The following CSMD1 variants were observed in gnomAD, a reference collection of about 807,000 sequenced individuals.
The protein encoded by CSMD1 is CUB and sushi domain-containing protein 1.
Under a neutral mutation model 417.5 loss-of-function variants are expected in CSMD1, and 213 were observed. The observed-to-expected ratio is 0.51, with a 90% CI of 0.46 to 0.57. CSMD1 has a LOEUF of 0.57. CSMD1 is among the 20% of genes least tolerant of loss of function. The pLI, the probability that CSMD1 is intolerant of heterozygous loss-of-function variation, is 0.00. For synonymous variants in CSMD1, 2,862 were observed against 1,736.8 expected (o/e 1.65, Z -16.11); for missense variants, 6,923 against 4,529.7 (o/e 1.53, Z -15.17).
At chr8:4,421,649 A>G (rs553896921) in intron 2 of CSMD1, among the ~76,000 whole-genome samples, 33 of 152,242 alleles carry the variant, frequency 2.2e-4, no homozygotes, top group East Asian at 5.8e-4. Context: ...GAAAATATAA[A>G]ATACAACATA....
At chr8:4,004,797 T>G (rs1407638560) in intron 4 of CSMD1, among the ~76,000 whole-genome samples, 1 of 152,116 alleles carries the variant, frequency 6.6e-6, no homozygotes. Flanking sequence ...CAGGCTGGAG[T>G]GCAGTGGCGC....
intron 3 of CSMD1, among the ~76,000 whole-genome samples, chr8:4,374,204 A>G (rs1014671746): frequency 6.6e-6 from 1 of 152,066 alleles, no homozygotes; most frequent in Non-Finnish European, 1.5e-5. Flanking sequence ...GTTAGCTTTG[A>G]GGAAGGATTA....
intron 5 of CSMD1, among the ~76,000 whole-genome samples, chr8:3,824,894 G>C (rs760535100): frequency 1.3e-5 from 2 of 152,154 alleles, no homozygotes; most frequent in African/African-American, 4.8e-5. Flanking sequence ...AATGAGAATT[G>C]TAAAGATTTC....
intron 12 of CSMD1, among the ~76,000 whole-genome samples, chr8:3,463,456 C>G (rs1349271879): frequency 2.6e-5 from 4 of 152,170 alleles, no homozygotes; most frequent in Admixed American, 2.0e-4. Flanking sequence ...AACATGTAAA[C>G]AAAAGGTTAT....
At chr8:3,610,441 G>C (rs1462851012) in intron 8 of CSMD1, among the ~76,000 whole-genome samples, 1 of 152,082 alleles carries the variant, frequency 6.6e-6, no homozygotes, top group Non-Finnish European at 1.5e-5. Context: ...AGATCGAAGT[G>C]GGACGATCAT....
chr8:4,237,102 C>T (rs1028312606), intron 3 of CSMD1, among the ~76,000 whole-genome samples: 6 of 152,188 alleles, frequency 3.9e-5, no homozygotes, highest in African/African-American at 1.4e-4. Flanking sequence ...ACTCACTATC[C>T]TCCATCAAGA....
At chr8:3,905,211 T>C (rs1808035973) in intron 5 of CSMD1, among the ~76,000 whole-genome samples, 2 of 152,218 alleles carry the variant, frequency 1.3e-5, no homozygotes, top group African/African-American at 4.8e-5. Context: ...ATAATATTTT[T>C]TCTGCATAAT....
chr8:3,714,953 T>C (rs1486960258), intron 6 of CSMD1, among the ~76,000 whole-genome samples: 1 of 152,206 alleles, frequency 6.6e-6, no homozygotes, highest in Non-Finnish European at 1.5e-5. Flanking sequence ...GACTCTCTTT[T>C]TCTAGGAGCA....
chr8:4,489,604 T>C (rs937201215), intron 2 of CSMD1, among the ~76,000 whole-genome samples: 1 of 152,052 alleles, frequency 6.6e-6, no homozygotes, highest in East Asian at 1.9e-4. Context: ...ACCTTCTCTT[T>C]AGTGTGGCAT....
At chr8:3,949,082 A>G (rs1246574936) in intron 5 of CSMD1, among the ~76,000 whole-genome samples, 1 of 152,334 alleles carries the variant, frequency 6.6e-6, no homozygotes, top group South Asian at 2.1e-4. Flanking sequence ...TAATTAATAA[A>G]TACAAATTAT....
At chr8:4,143,232 C>G (rs898632293) in intron 3 of CSMD1, among the ~76,000 whole-genome samples, 3 of 151,172 alleles carry the variant, frequency 2.0e-5, no homozygotes, top group Admixed American at 6.6e-5. Context: ...TCTAAACCCT[C>G]TTATAGGGTT....
chr8:4,473,163 T>G (rs963130056), intron 2 of CSMD1, among the ~76,000 whole-genome samples: 2 of 152,172 alleles, frequency 1.3e-5, no homozygotes, highest in South Asian at 4.1e-4. Context: ...ATTTTAAAAT[T>G]CCAATGATTT....
In CSMD1 at chr8:3,831,675, G is replaced by A. The variant is rs149479727; in HGVS notation, c.819-77633C>T. Among the ~76,000 whole-genome samples the A allele has an allele frequency of 3.6e-3, 551 of 151,952 alleles. 1 individual carries two copies. Among genetic ancestry groups the A allele is most frequent in the Admixed American group, 4.2e-3 (64 of 15,256 alleles). On this transcript the variant is annotated intron_variant, in intron 5 of 69. Coordinates refer to ENST00000635120, the MANE Select transcript of CSMD1 (RefSeq NM_033225.6). The stretch of plus-strand genomic sequence containing the variant: ...TCTATGACAAATTAAAATCTTTACC[G>A]GCAAAGGATATATGTTTGGAATGCC...
chr8:3,621,089 C>T (rs1387574982), intron 7 of CSMD1, among the ~76,000 whole-genome samples: 1 of 152,176 alleles, frequency 6.6e-6, no homozygotes, highest in Non-Finnish European at 1.5e-5. Context: ...AGAAGAGAGT[C>T]ATCCACAAGA....
At chr8:4,358,915 TA>T (rs1801591977) in intron 3 of CSMD1, among the ~76,000 whole-genome samples, 1 of 152,018 alleles carries the variant, frequency 6.6e-6, no homozygotes, top group Admixed American at 6.6e-5. Context: ...GAACCTTTAT[TA>T]AAAAAACTGA....
At chr8:3,718,127 A>G (rs190393935) in intron 6 of CSMD1, among the ~76,000 whole-genome samples, 1 of 152,306 alleles carries the variant, frequency 6.6e-6, no homozygotes, top group East Asian at 1.9e-4. Flanking sequence ...CTATTGGATC[A>G]TTCTTTGGGA....
intron 1 of CSMD1, among the ~76,000 whole-genome samples, chr8:4,722,638 T>G (rs1344302034): frequency 6.6e-6 from 1 of 152,118 alleles, no homozygotes; most frequent in Non-Finnish European, 1.5e-5. Context: ...GGCAATGTAA[T>G]AGTCTCAGCA....
chr8:4,311,887 T>G (rs71502983), intron 3 of CSMD1, among the ~76,000 whole-genome samples: 6 of 151,978 alleles, frequency 3.9e-5, no homozygotes, highest in African/African-American at 1.2e-4. Flanking sequence ...GGTGATCAAA[T>G]AATACATGCA....
intron 3 of CSMD1, among the ~76,000 whole-genome samples, chr8:4,285,168 T>C (rs745658587): frequency 3.3e-5 from 5 of 152,226 alleles, no homozygotes; most frequent in Non-Finnish European, 7.3e-5. Context: ...TTTTACTCCA[T>C]GAATTTTATG....
Sources: allele counts gnomAD v4.1 joint callset (sites outside exome capture counted in the v4.1 genomes callset), GRCh38; gene constraint gnomAD v4.1.1; transcripts MANE v1.5; gene names NCBI Gene and HGNC (gene_info 2026-07-23, HGNC 2026-07-21).